ZNF423: variants seen among roughly 807,000 people sequenced by gnomAD.
ZNF423 encodes Ebf-associated zinc finger protein.
Under a neutral mutation model 95.8 loss-of-function variants are expected in ZNF423, and 12 were observed. That is an observed-to-expected ratio of 0.13 (90% CI 0.08 to 0.20). The LOEUF is 0.20. Among genes scored for constraint, ZNF423 ranks in the 10% least tolerant of loss-of-function variants. ZNF423 has a pLI of 1.00. For synonymous variants in ZNF423, 749 were observed against 711.9 expected (o/e 1.05, Z -0.83); for missense variants, 1,316 against 1,737.1 (o/e 0.76, Z 4.31).
intron 5 of ZNF423, among the ~76,000 whole-genome samples, chr16:49,554,682 T>A (rs890755164): frequency 1.3e-5 from 2 of 151,942 alleles, no homozygotes; most frequent in Admixed American, 1.3e-4. Flanking sequence ...CTGATCTCCC[T>A]GAATTATTTT....
chr16:49,597,969 A>G (rs72622235), intron 5 of ZNF423, among the ~76,000 whole-genome samples: 11,078 of 151,748 alleles, frequency 0.073, 671 homozygotes, highest in East Asian at 0.31. Context: ...ACATAGCTCA[A>G]CCCTCCCTAC....
chr16:49,712,090 C>G (rs1466816651), intron 3 of ZNF423, among the ~76,000 whole-genome samples: 3 of 152,172 alleles, frequency 2.0e-5, no homozygotes, highest in African/African-American at 7.2e-5. Context: ...GTACTCCAGC[C>G]TGGGCAACAG....
chr16:49,827,117 C>T (rs1254678984), intron 1 of ZNF423: 2 of 152,228 alleles, frequency 1.3e-5, no homozygotes, highest in East Asian at 3.9e-4. Context: ...AATATAATTG[C>T]CAAGCAGCTC....
At chr16:49,848,104 T>TA (rs1426809587) in intron 1 of ZNF423, among the ~76,000 whole-genome samples, 1 of 151,524 alleles carries the variant, frequency 6.6e-6, no homozygotes, top group East Asian at 1.9e-4. Flanking sequence ...ATCCTGTCTG[T>TA]AAAAAAAGGA....
chr16:49,564,459 C>CCCAATCCCTGCCAAGAG (rs1970121458), intron 5 of ZNF423, among the ~76,000 whole-genome samples: 1 of 152,172 alleles, frequency 6.6e-6, no homozygotes. Flanking sequence ...GGGGCCAGGA[C>CCCAATCCCTGCCAAGAG]CCAATCCCTG....
chr16:49,738,238 G>A (rs2033335089), intron 2 of ZNF423, among the ~76,000 whole-genome samples: 1 of 152,206 alleles, frequency 6.6e-6, no homozygotes, highest in African/African-American at 2.4e-5. Flanking sequence ...CACAAAGGCT[G>A]GCACAGAAAA....
At chr16:49,767,283 G>A (rs2033947522) in intron 2 of ZNF423, among the ~76,000 whole-genome samples, 1 of 152,128 alleles carries the variant, frequency 6.6e-6, no homozygotes, top group African/African-American at 2.4e-5. Flanking sequence ...AGACTGTGAT[G>A]GTCTTCTGAG....
chr16:49,568,349 T>C (rs1970257405), intron 5 of ZNF423, among the ~76,000 whole-genome samples: 1 of 152,050 alleles, frequency 6.6e-6, no homozygotes, highest in South Asian at 2.1e-4. Flanking sequence ...AGAGGGAGGC[T>C]AATAGAGAAA....
chr16:49,560,538 G>C (rs1969980796), intron 5 of ZNF423, among the ~76,000 whole-genome samples: 1 of 152,166 alleles, frequency 6.6e-6, no homozygotes, highest in African/African-American at 2.4e-5. Context: ...AAATCAAAAG[G>C]CTTACTGTCA....
At chr16:49,604,913 A>T (rs1263659886) in intron 5 of ZNF423, among the ~76,000 whole-genome samples, 1 of 152,220 alleles carries the variant, frequency 6.6e-6, no homozygotes, top group Non-Finnish European at 1.5e-5. Context: ...GGAGGGCAGA[A>T]TCAGAATGCA....
chr16:49,623,649 CA>C, intron 5 of ZNF423, among the ~76,000 whole-genome samples: 1 of 152,346 alleles, frequency 6.6e-6, no homozygotes, highest in East Asian at 1.9e-4. Context: ...TATCCTTCAG[CA>C]GGGGGCTTTC....
At position 49,794,845 on chromosome 16, in the gene ZNF423, G is replaced by A. The variant is rs561920002; in HGVS notation, c.41-5299C>T. Among the ~76,000 whole-genome samples, 4 of 152,294 alleles carry A rather than the reference G, an allele frequency of 2.6e-5. No homozygotes were observed. In the East Asian group the frequency reaches 7.7e-4, roughly 29 times the overall value. On this transcript the variant is annotated intron_variant, in intron 1 of 7. Transcript: ENST00000563137. ...TTGTTGTATCCCAGTGCCTAGCTCA[G>A]TGCAAACATAGTAGCAGGTGCTCAA...
At chr16:49,523,778 A>C (rs1597047418) in intron 6 of ZNF423, 39 bp from the exon 7 acceptor site, 1 of 1,566,706 alleles carries the variant, frequency 6.4e-7, no homozygotes, top group Non-Finnish European at 8.7e-7. Context: ...AGCTCAGGAC[A>C]CCAGCCCAGC....
intron 3 of ZNF423, among the ~76,000 whole-genome samples, chr16:49,703,813 G>A (rs1304519758): frequency 6.6e-6 from 1 of 152,216 alleles, no homozygotes; most frequent in South Asian, 2.1e-4. Flanking sequence ...GCTGGCAGGG[G>A]TTGTTTATCT....
intron 1 of ZNF423, among the ~76,000 whole-genome samples, chr16:49,791,596 C>A (rs914158051): frequency 1.3e-5 from 2 of 152,088 alleles, no homozygotes; most frequent in East Asian, 3.9e-4. Flanking sequence ...GGTCCCTAAA[C>A]CTTAAGAATG....
chr16:49,772,313 C>T (rs185349449), intron 2 of ZNF423, among the ~76,000 whole-genome samples: 1 of 152,370 alleles, frequency 6.6e-6, no homozygotes, highest in African/African-American at 2.4e-5. Flanking sequence ...CTGGATGATG[C>T]CAGCCTGCAC....
intron 2 of ZNF423, among the ~76,000 whole-genome samples, chr16:49,758,335 C>T (rs534457031): frequency 2.0e-5 from 3 of 152,218 alleles, no homozygotes; most frequent in South Asian, 2.1e-4. Context: ...GACAGGGTTT[C>T]GTCATGTTGG....
chr16:49,737,617 G>A (rs891102631), intron 2 of ZNF423, among the ~76,000 whole-genome samples: 3 of 152,234 alleles, frequency 2.0e-5, no homozygotes, highest in African/African-American at 7.2e-5. Context: ...GCAAAATCAC[G>A]GGGCAGGGGA....
chr16:49,702,903 G>GCACA (rs879766699), intron 3 of ZNF423, among the ~76,000 whole-genome samples: 1 of 118,480 alleles, frequency 8.4e-6, no homozygotes, highest in African/African-American at 3.2e-5. Flanking sequence ...CTGCCTGTGT[G>GCACA]CACACGCACA....
Sources: allele counts gnomAD v4.1 joint callset (sites outside exome capture counted in the v4.1 genomes callset), GRCh38; gene constraint gnomAD v4.1.1; transcripts MANE v1.5; gene names NCBI Gene and HGNC (gene_info 2026-07-23, HGNC 2026-07-21).